Variants in ERBB4 observed in about 807,000 individuals in gnomAD.
ERBB4 encodes erb-b2 receptor tyrosine kinase 4.
A neutral mutation model predicts 158.0 loss-of-function variants in ERBB4; 42 were observed. That is an observed-to-expected ratio of 0.27 (90% CI 0.21 to 0.34). The LOEUF (loss-of-function observed/expected upper bound fraction) is 0.34. Ranked by LOEUF, ERBB4 falls within the 10% of genes least tolerant of loss-of-function variation. The probability of loss-of-function intolerance (pLI) is 1.00; values close to 1 mark genes in which losing one functional copy is unlikely to be tolerated. For missense variants in ERBB4, 1,333 were observed against 1,624.1 expected, an observed-to-expected ratio of 0.82 and a Z score of 3.08; for synonymous variants, 583 against 558.7, an observed-to-expected ratio of 1.04 and a Z score of -0.61.
chr2:212,071,427 C>T (rs2078114841), intron 2 of ERBB4, among the ~76,000 whole-genome samples: 1 of 151,714 alleles, frequency 6.6e-6, no homozygotes, highest in East Asian at 1.9e-4. Flanking sequence ...TGGCCACAGA[C>T]ACTAATCAAA....
At chr2:212,335,285 G>T (rs2088376562) in intron 1 of ERBB4, among the ~76,000 whole-genome samples, 1 of 151,754 alleles carries the variant, frequency 6.6e-6, no homozygotes, top group Admixed American at 6.6e-5. Context: ...TAATACATAA[G>T]ATTCATCTTA....
At chr2:212,206,581 G>A (rs1178171610) in intron 1 of ERBB4, among the ~76,000 whole-genome samples, 1 of 92,062 alleles carries the variant, frequency 1.1e-5, no homozygotes, top group Non-Finnish European at 2.3e-5. Context: ...GTCTCCGTCT[G>A]TTCTGTTCTT....
At chr2:212,496,460 A>G (rs922565421) in intron 1 of ERBB4, among the ~76,000 whole-genome samples, 1 of 152,188 alleles carries the variant, frequency 6.6e-6, no homozygotes, top group Admixed American at 6.5e-5. Context: ...TTAAAAAAGT[A>G]GACTCTGATA....
At chr2:212,211,764 T>C (rs1256553150) in intron 1 of ERBB4, among the ~76,000 whole-genome samples, 1 of 151,920 alleles carries the variant, frequency 6.6e-6, no homozygotes, top group Non-Finnish European at 1.5e-5. Context: ...GTGTGTATTG[T>C]TCCCCCTCTC....
chr2:212,409,166 C>A (rs532694191), intron 1 of ERBB4, among the ~76,000 whole-genome samples: 1 of 151,976 alleles, frequency 6.6e-6, no homozygotes, highest in East Asian at 1.9e-4. Context: ...ATAGCTTGGA[C>A]AGGGAACAGG....
chr2:212,226,410 T>TGGGG (rs138561912), intron 1 of ERBB4, among the ~76,000 whole-genome samples: 11 of 149,658 alleles, frequency 7.4e-5, no homozygotes, highest in South Asian at 2.1e-4. Flanking sequence ...AGTAAAGACA[T>TGGGG]GGGGGGGGGT....
intron 17 of ERBB4, among the ~76,000 whole-genome samples, chr2:211,625,285 C>T (rs1041457117): frequency 1.3e-5 from 2 of 152,126 alleles, no homozygotes; most frequent in Non-Finnish European, 2.9e-5. Flanking sequence ...ACTACTCAAA[C>T]TGTCTTGAAC....
chr2:212,137,135 G>T (rs1000837268), intron 1 of ERBB4, among the ~76,000 whole-genome samples: 1 of 152,050 alleles, frequency 6.6e-6, no homozygotes, highest in Non-Finnish European at 1.5e-5. Flanking sequence ...ATTTTTACAA[G>T]ATAATCATAC....
chr2:212,196,643 T>A (rs2082434516), intron 1 of ERBB4, among the ~76,000 whole-genome samples: 1 of 152,150 alleles, frequency 6.6e-6, no homozygotes, highest in Non-Finnish European at 1.5e-5. Flanking sequence ...AGAAATCTCA[T>A]AAAAGTACTA....
At chr2:212,292,669 A>G (rs1260190700) in intron 1 of ERBB4, among the ~76,000 whole-genome samples, 2 of 152,090 alleles carry the variant, frequency 1.3e-5, no homozygotes, top group Non-Finnish European at 2.9e-5. Flanking sequence ...CAGATTGTTG[A>G]TGCTTTTGAT....
chr2:212,342,958 T>C (rs2088796151), intron 1 of ERBB4, among the ~76,000 whole-genome samples: 1 of 152,196 alleles, frequency 6.6e-6, no homozygotes, highest in African/African-American at 2.4e-5. Context: ...ATTTTTCCAT[T>C]AATGTTTAAC....
chr2:211,878,660 T>TTTTTG (rs770582267), intron 3 of ERBB4, among the ~76,000 whole-genome samples: 22 of 144,704 alleles, frequency 1.5e-4, no homozygotes, highest in African/African-American at 2.2e-4. Flanking sequence ...AAGTTTTGTT[T>TTTTTG]TTTTTTTTTT....
At chr2:212,000,894 GA>G (rs935380623) in intron 2 of ERBB4, among the ~76,000 whole-genome samples, 1 of 151,338 alleles carries the variant, frequency 6.6e-6, no homozygotes, top group South Asian at 2.1e-4. Context: ...TATGTGTAAA[GA>G]AAAAAAATAA....
At chr2:212,083,510 A>G (rs1367632811) in intron 2 of ERBB4, among the ~76,000 whole-genome samples, 1 of 151,958 alleles carries the variant, frequency 6.6e-6, no homozygotes, top group Non-Finnish European at 1.5e-5. Context: ...GGAAGGCACC[A>G]TAAACGCAGG....
At chr2:212,209,376 A>T (rs1032970988) in intron 1 of ERBB4, among the ~76,000 whole-genome samples, 32 of 152,132 alleles carry the variant, frequency 2.1e-4, no homozygotes, top group African/African-American at 7.5e-4. Flanking sequence ...AAAATGGCTA[A>T]TCTAAAAACA....
chr2:212,299,382 T>A (rs2086537272), intron 1 of ERBB4, among the ~76,000 whole-genome samples: 1 of 151,704 alleles, frequency 6.6e-6, no homozygotes, highest in African/African-American at 2.4e-5. Flanking sequence ...AGAAACAATT[T>A]ATGGGAAGGT....
intron 25 of ERBB4, among the ~76,000 whole-genome samples, chr2:211,398,500 C>A (rs1035184792): frequency 1.3e-5 from 2 of 152,094 alleles, no homozygotes; most frequent in Admixed American, 6.5e-5. Context: ...TGATCTCATT[C>A]TTTCCCTTCA....
chr2:212,245,587 A>C (rs1015481280), intron 1 of ERBB4, among the ~76,000 whole-genome samples: 4 of 152,126 alleles, frequency 2.6e-5, no homozygotes, highest in Admixed American at 1.3e-4. Flanking sequence ...GTTTAATTCT[A>C]CTGTAAAAGG....
At chr2:212,209,985 A>G (rs1251077304) in intron 1 of ERBB4, among the ~76,000 whole-genome samples, 1 of 152,048 alleles carries the variant, frequency 6.6e-6, no homozygotes, top group East Asian at 1.9e-4. Context: ...ATATGGAGAT[A>G]GAATAGGTAG....
Sources: allele counts gnomAD v4.1 joint callset (sites outside exome capture counted in the v4.1 genomes callset), GRCh38; gene constraint gnomAD v4.1.1; transcripts MANE v1.5; gene names NCBI Gene and HGNC (gene_info 2026-07-23, HGNC 2026-07-21).